The following IQSEC1 variants were observed in gnomAD, a reference collection of about 807,000 sequenced individuals.
IQSEC1 encodes IQ motif and Sec7 domain ArfGEF 1, also known as IQ motif and SEC7 domain-containing protein 1.
IQSEC1 carries 31 observed loss-of-function variants against 91.0 expected under a neutral mutation model. The observed-to-expected ratio is 0.34, with a 90% CI of 0.26 to 0.46. The LOEUF is 0.46. Among genes scored for constraint, IQSEC1 ranks in the 20% least tolerant of loss-of-function variants. The pLI is 1.00. For missense variants in IQSEC1, 1,388 were observed against 1,575.6 expected (o/e 0.88, Z 2.02); for synonymous variants, 699 against 662.6 (o/e 1.05, Z -0.84).
chr3:12,942,459 C>T (rs1006711709), intron 1 of IQSEC1, among the ~76,000 whole-genome samples: 3 of 152,148 alleles, frequency 2.0e-5, no homozygotes, highest in East Asian at 1.9e-4. Flanking sequence ...AAAAATTAGC[C>T]GGGCGTGGTG....
chr3:13,111,645 A>G (rs1367419762), intron 2 of IQSEC1, among the ~76,000 whole-genome samples: 1 of 152,096 alleles, frequency 6.6e-6, no homozygotes, highest in Non-Finnish European at 1.5e-5. Context: ...GGCCTTTGGG[A>G]GGTGATTACG....
chr3:12,950,757 C>T (rs1406178312), intron 1 of IQSEC1, among the ~76,000 whole-genome samples: 4 of 152,066 alleles, frequency 2.6e-5, no homozygotes, highest in African/African-American at 9.7e-5. Context: ...ATTCTCCTGC[C>T]TCAGCCTCCC....
chr3:13,265,038 C>T (rs761533490), intron 1 of IQSEC1, among the ~76,000 whole-genome samples: 5 of 152,224 alleles, frequency 3.3e-5, no homozygotes, highest in Admixed American at 6.5e-5. Flanking sequence ...GATACCCCTT[C>T]TCCCCCTGGA....
At chr3:13,137,883 A>G (rs80319546) in intron 2 of IQSEC1, among the ~76,000 whole-genome samples, 3,553 of 152,340 alleles carry the variant, frequency 0.023, 125 homozygotes, top group African/African-American at 0.078. Context: ...AGAACACATT[A>G]AATATCTGAA....
At position 12,911,697 on chromosome 3, in the gene IQSEC1, G is replaced by C; in HGVS notation, c.2348C>G (p.Ser783Trp). The C allele has an allele frequency of 6.2e-7, 1 of 1,613,474 alleles. No homozygotes were observed. Among genetic ancestry groups the C allele is most frequent in the Non-Finnish European group, 8.5e-7 (1 of 1,179,872 alleles). ...VTKIFQKKKN[S>W]VTYSFRQSFS... ...GGACTGTCGGAAGCTGTACGTCACCGAGTTCTTCTTCTTCTGGAAGATCTT... is the reference window on the plus strand; with the variant it reads ...GGACTGTCGGAAGCTGTACGTCACCCAGTTCTTCTTCTTCTGGAAGATCTT... The change falls in exon 10 of 14, where the codon TCG (serine) becomes TGG (tryptophan). Residue 783 changes from serine (S) to tryptophan (W), a missense_variant. Physicochemically the swap from Ser to Trp is radical, Grantham distance 177. Transcript: ENST00000613206.
intron 2 of IQSEC1, among the ~76,000 whole-genome samples, chr3:13,154,438 C>CATACATATATATATATAT (rs1707049640): frequency 4.8e-5 from 1 of 20,758 alleles, no homozygotes; most frequent in African/African-American, 2.3e-4. Context: ...AACTTACATG[C>CATACATATATATATATAT]ATATATATAT....
At chr3:13,016,589 C>CT (rs951522357) in intron 1 of IQSEC1, among the ~76,000 whole-genome samples, 7 of 152,240 alleles carry the variant, frequency 4.6e-5, no homozygotes, top group African/African-American at 1.7e-4. Context: ...GCCTCCTCCT[C>CT]TGTGCTCCTC....
At chr3:13,183,174 T>TAAATAAACAAAC (rs373008882) in intron 1 of IQSEC1, among the ~76,000 whole-genome samples, 3 of 143,570 alleles carry the variant, frequency 2.1e-5, no homozygotes, top group Non-Finnish European at 3.1e-5. Flanking sequence ...CACCAATAAA[T>TAAATAAACAAAC]AAACAAACAA....
intron 1 of IQSEC1, among the ~76,000 whole-genome samples, chr3:13,236,764 C>T (rs971993448): frequency 6.6e-5 from 10 of 152,246 alleles, no homozygotes; most frequent in African/African-American, 1.9e-4. Context: ...CATCAGTCTA[C>T]GCATCATCTA....
intron 1 of IQSEC1, among the ~76,000 whole-genome samples, chr3:13,232,542 CAG>C: frequency 6.6e-6 from 1 of 152,128 alleles, no homozygotes; most frequent in East Asian, 1.9e-4. Context: ...TGGTGACAAG[CAG>C]AGAGAGGACC....
At chr3:13,158,415 G>T (rs1707116940) in intron 2 of IQSEC1, among the ~76,000 whole-genome samples, 1 of 152,228 alleles carries the variant, frequency 6.6e-6, no homozygotes, top group Non-Finnish European at 1.5e-5. Flanking sequence ...TAATTACAAA[G>T]GCTGCTTTGC....
upstream of IQSEC1, among the ~76,000 whole-genome samples, chr3:13,078,064 C>A (rs966297427): frequency 1.3e-5 from 2 of 152,192 alleles, no homozygotes; most frequent in African/African-American, 4.8e-5. Flanking sequence ...AGCTGTGGCC[C>A]TGCAGACACT....
intron 1 of IQSEC1, among the ~76,000 whole-genome samples, chr3:13,213,856 C>T (rs1014650309): frequency 1.3e-5 from 2 of 152,074 alleles, no homozygotes. Flanking sequence ...CATCACCTGC[C>T]CACCTGCCTG....
At chr3:13,102,007 C>T (rs1249022147) in intron 2 of IQSEC1, among the ~76,000 whole-genome samples, 2 of 152,042 alleles carry the variant, frequency 1.3e-5, no homozygotes, top group Non-Finnish European at 2.9e-5. Context: ...ATAAACTCTG[C>T]CCGCTCATGC....
intron 1 of IQSEC1, among the ~76,000 whole-genome samples, chr3:13,220,441 C>T (rs1474975531): frequency 6.6e-6 from 1 of 152,224 alleles, no homozygotes; most frequent in East Asian, 1.9e-4. Flanking sequence ...CCCCACTGGC[C>T]CCCACAAGGG....
intron 1 of IQSEC1, among the ~76,000 whole-genome samples, chr3:13,047,322 T>C (rs1320630942): frequency 6.6e-6 from 1 of 152,174 alleles, no homozygotes; most frequent in Non-Finnish European, 1.5e-5. Context: ...TCAGGGGACA[T>C]ATCAGTAGTA....
Position 13,259,112 on chromosome 3 carries a change from A to G in IQSEC1, c.272+23599T>C, listed in dbSNP as rs1695339874. Among the ~76,000 whole-genome samples the G allele has an allele frequency of 6.6e-6, 1 of 151,870 alleles. No individual in the cohort carries two copies. The highest frequency in any genetic ancestry group is 6.6e-5 in the Admixed American group (1 of 15,244). On this transcript the variant is annotated intron_variant, in intron 1 of 15. Transcript: ENST00000648114. The surrounding 1 kb of genome is among the most constrained non-coding windows in gnomAD (Gnocchi z 4.6). Reference sequence around the variant, plus strand: ...TGTCATCCAAGCTCAAATCTTCCCAATGCTTCCCCACAGCAGCCAGAAAAA... The same window carrying G: ...TGTCATCCAAGCTCAAATCTTCCCAGTGCTTCCCCACAGCAGCCAGAAAAA...
intron 2 of IQSEC1, among the ~76,000 whole-genome samples, chr3:13,128,876 C>CAAAAA (rs34011478): frequency 1.6e-4 from 14 of 87,448 alleles, no homozygotes; most frequent in Admixed American, 2.6e-4. Context: ...GACTCTGTCT[C>CAAAAA]AAAAAAAAAA....
At chr3:12,902,685 A>AAC in intron 13 of IQSEC1, 88 bp downstream of exon 13, 2 of 674,322 alleles carry the variant, frequency 3.0e-6, no homozygotes, top group Non-Finnish European at 4.9e-6. Context: ...AAAAAAAAAA[A>AAC]AAAAAAAAAC....
Sources: gnomAD v4.1 joint callset for allele counts (sites outside exome capture counted in the v4.1 genomes callset) on GRCh38, gnomAD v4.1.1 for gene constraint, Gnocchi (gnomAD v3.1) non-coding constraint, MANE v1.5 for transcripts, NCBI Gene and HGNC (gene_info 2026-07-23, HGNC 2026-07-21) for gene names.